Variants in ZNF141 observed in about 807,000 individuals in gnomAD.
ZNF141 encodes the protein zinc finger protein 141 (clone pHZ-44).
ZNF141 carries 7 observed loss-of-function variants against 11.3 expected under a neutral mutation model. The observed-to-expected ratio is 0.62, with a 90% CI of 0.35 to 1.16. ZNF141 has a LOEUF of 1.16. Ranked by LOEUF, ZNF141 falls within the 50% of genes most tolerant of loss-of-function variation. The pLI is 0.02. For synonymous variants in ZNF141, 183 were observed against 190.7 expected (o/e 0.96, Z 0.33); for missense variants, 535 against 554.0 (o/e 0.97, Z 0.34).
intron 3 of ZNF141, among the ~76,000 whole-genome samples, chr4:364,129 C>T (rs962221402): frequency 2.0e-5 from 3 of 152,102 alleles, no homozygotes; most frequent in Admixed American, 6.5e-5. Context: ...CGATGTTCCT[C>T]AGGGATATTG....
intron 3 of ZNF141, among the ~76,000 whole-genome samples, chr4:357,164 G>A (rs1553851311): frequency 6.6e-6 from 1 of 152,100 alleles, no homozygotes; most frequent in Non-Finnish European, 1.5e-5. Context: ...TTGCCATGTT[G>A]CTCAGGCTGG....
Position 382,783 on chromosome 4 carries a change from T to A in ZNF141, c.*8921T>A, listed in dbSNP as rs1712722113. 1 of 199,912 alleles carries A rather than the reference T, an allele frequency of 5.0e-6. No individual in the cohort carries two copies. Among genetic ancestry groups the A allele is most frequent in the Non-Finnish European group, 1.0e-5 (1 of 97,382 alleles). The allele number at this position is 199,912 out of a possible 1,614,324, so 12.4% of individuals were successfully genotyped here. ...GGAAACCTGGCTGAGTAGTGTGGTC[T>A]ATGGAGGTGCATGGGCTTCAGAATC... On this transcript the variant is annotated 3_prime_UTR_variant, in exon 4 of 4. Coordinates refer to ENST00000240499, the MANE Select transcript of ZNF141 (RefSeq NM_003441.4).
intron 1 of ZNF141, chr4:342,988 C>A (rs928591993): frequency 1.5e-5 from 19 of 1,300,526 alleles, no homozygotes; most frequent in Non-Finnish European, 1.8e-5. Context: ...CAGTTCCTTG[C>A]GTGGTTAAAA....
intron 3 of ZNF141, among the ~76,000 whole-genome samples, chr4:346,159 C>T (rs1437697194): frequency 6.6e-6 from 1 of 152,150 alleles, no homozygotes; most frequent in Non-Finnish European, 1.5e-5. Context: ...ATTAAGAAAA[C>T]TAATTTTACC....
chr4:375,668 A>G lies in ZNF141; in HGVS notation c.*1806A>G, dbSNP rs1373160082. Among the ~76,000 whole-genome samples, 1 of 152,096 alleles carries G rather than the reference A, an allele frequency of 6.6e-6. No homozygotes were observed. The highest frequency in any genetic ancestry group is 2.4e-5 in the African/African-American group (1 of 41,458). ...GATTTTTGAAGAGATACTACATTTA[A>G]AGTATATTTTTTCACTTGAAAAAAG... On this transcript the variant is annotated 3_prime_UTR_variant, in exon 4 of 4. Coordinates refer to ENST00000240499, the MANE Select transcript of ZNF141 (RefSeq NM_003441.4).
intron 3 of ZNF141, among the ~76,000 whole-genome samples, chr4:369,178 C>T (rs1262064823): frequency 1.3e-5 from 2 of 151,740 alleles, no homozygotes; most frequent in Non-Finnish European, 2.9e-5. Context: ...CACACACACT[C>T]ACACACACAC....
At position 379,121 on chromosome 4, in the gene ZNF141, G is replaced by A. The variant is rs1003137317; in HGVS notation, c.*5259G>A. On this transcript the variant is annotated 3_prime_UTR_variant, in exon 4 of 4. Transcript: ENST00000240499. ...GCCTCCCAAAGTGCTGGGATTACCG[G>A]TGTGAGCCACTGTGCCCAGCCTCTC... 6.6e-6 allele frequency among the ~76,000 whole-genome samples: 1 copy of A among 152,034 alleles called. No individual in the cohort carries two copies. Among genetic ancestry groups the A allele is most frequent in the Non-Finnish European group, 1.5e-5 (1 of 68,010 alleles).
Position 383,227 on chromosome 4 carries a change from C to G in ZNF141, c.*9365C>G, listed in dbSNP as rs1278504569. On this transcript the variant is annotated 3_prime_UTR_variant, in exon 4 of 4. Transcript: ENST00000240499. ...GCCACCTAATTCACCAGCATCTAACCACTCACACCTGAAGGAGCCAAACTG... is the reference window on the plus strand; with the variant it reads ...GCCACCTAATTCACCAGCATCTAACGACTCACACCTGAAGGAGCCAAACTG... The G allele has an allele frequency of 4.4e-6, 3 of 686,264 alleles. No homozygotes were observed. The highest frequency in any genetic ancestry group is 1.8e-5 in the African/African-American group (1 of 56,378). The allele number at this position is 686,264 out of a possible 1,614,324, so 42.5% of individuals were successfully genotyped here.
Position 374,115 on chromosome 4 carries a change from G to A in ZNF141, c.*253G>A. ...TGAGCAGAAGAAAATTATTACTGGA[G>A]ATAAACCCTGCAAATGTAAAGAGTG... On this transcript the variant is annotated 3_prime_UTR_variant, in exon 4 of 4. Transcript: ENST00000240499. The A allele has an allele frequency of 3.9e-6, 2 of 510,896 alleles. No individual in the cohort carries two copies. The highest frequency in any genetic ancestry group is 2.6e-5 in the South Asian group (1 of 39,022). The allele number at this position is 510,896 out of a possible 1,614,324, so 31.6% of individuals were successfully genotyped here.
At chr4:368,390 C>A (rs145529244) in intron 3 of ZNF141, among the ~76,000 whole-genome samples, 1 of 151,970 alleles carries the variant, frequency 6.6e-6, no homozygotes, top group Non-Finnish European at 1.5e-5. Context: ...TACAGACGTG[C>A]ACCACCACAC....
intron 3 of ZNF141, among the ~76,000 whole-genome samples, chr4:367,427 C>A (rs1553853041): frequency 6.6e-6 from 1 of 151,900 alleles, no homozygotes; most frequent in Non-Finnish European, 1.5e-5. Flanking sequence ...AACACTTTTG[C>A]GACTTGAAGA....
intron 1 of ZNF141, chr4:343,020 C>A (rs1721125167): frequency 1.6e-6 from 1 of 625,714 alleles, no homozygotes; most frequent in Non-Finnish European, 2.4e-6. Flanking sequence ...AAGTTCCTTG[C>A]ATGATTAAAA....
Position 361,379 on chromosome 4 carries a change from ATCTT to A in ZNF141, c.227-11281_227-11278del, listed in dbSNP as rs538767444. The stretch of plus-strand genomic sequence containing the variant: ...TTGTTTTTGTAAGATGTGTCAGAAT[ATCTT>A]TCTGTTTTTTTTTTTTTTTAAGTTC... On this transcript the variant is annotated intron_variant, in intron 3 of 3. Coordinates refer to ENST00000240499, the MANE Select transcript of ZNF141 (RefSeq NM_003441.4). 1.0e-4 allele frequency among the ~76,000 whole-genome samples: 15 copies of A among 143,014 alleles called. 1 individual carries two copies. The highest frequency in any genetic ancestry group is 3.8e-3 in the Middle Eastern group (1 of 266). The allele number at this position is 143,014 out of a possible 152,430, so 93.8% of individuals were successfully genotyped here. A position where few individuals can be genotyped will look rare whatever the true frequency, so the allele number is the denominator to read the frequency against.
chr4:345,772 T>A (rs1721294158), intron 3 of ZNF141, among the ~76,000 whole-genome samples: 1 of 150,552 alleles, frequency 6.6e-6, no homozygotes, highest in Non-Finnish European at 1.5e-5. Context: ...ATTTTTGTGA[T>A]ATCCTCCACC....
chr4:377,736 A>C lies in ZNF141; in HGVS notation c.*3874A>C, dbSNP rs1195009016. Among the ~76,000 whole-genome samples, 1 of 152,228 alleles carries C rather than the reference A, an allele frequency of 6.6e-6. No individual in the cohort carries two copies. Among genetic ancestry groups the C allele is most frequent in the Non-Finnish European group, 1.5e-5 (1 of 68,050 alleles). ...GTTTGTAAAAGAAAAATTGTATGAG[A>C]TTCTATCATAAAGTGTGTAAAATGT... is the stretch of plus-strand genomic sequence containing the variant. On this transcript the variant is annotated 3_prime_UTR_variant, in exon 4 of 4. Coordinates refer to ENST00000240499, the MANE Select transcript of ZNF141 (RefSeq NM_003441.4).
chr4:344,592 G>A (rs1374986161), intron 3 of ZNF141, among the ~76,000 whole-genome samples, 162 bp downstream of exon 3: 4 of 152,100 alleles, frequency 2.6e-5, no homozygotes, highest in African/African-American at 4.8e-5. Flanking sequence ...TCAAGAGATC[G>A]AGATCATCCT....
chr4:350,859 C>A (rs1721561408), intron 3 of ZNF141, among the ~76,000 whole-genome samples: 1 of 152,002 alleles, frequency 6.6e-6, no homozygotes, highest in Non-Finnish European at 1.5e-5. Flanking sequence ...CCTGCCTCAA[C>A]CTCCAGAGTA....
intron 1 of ZNF141, chr4:338,332 C>T (rs1424670846): frequency 9.8e-6 from 3 of 305,326 alleles, no homozygotes; most frequent in Admixed American, 4.8e-5. Context: ...CCTGCTTTAC[C>T]CTGTTCGGAA....
chr4:340,013 C>T (rs1373003237), intron 1 of ZNF141, among the ~76,000 whole-genome samples: 2 of 152,180 alleles, frequency 1.3e-5, no homozygotes, highest in African/African-American at 4.8e-5. Flanking sequence ...ATTATGGTGA[C>T]TTTCTTTGTT....
Sources: gnomAD v4.1 joint callset for allele counts (sites outside exome capture counted in the v4.1 genomes callset) on GRCh38, gnomAD v4.1.1 for gene constraint, MANE v1.5 for transcripts, NCBI Gene and HGNC (gene_info 2026-07-23, HGNC 2026-07-21) for gene names.